BICD1: variants seen among roughly 807,000 people sequenced by gnomAD.
BICD1 encodes BICD cargo adaptor 1.
In BICD1, 35 loss-of-function variants were observed where a neutral mutation model predicts 92.5. The observed-to-expected ratio is 0.38, with a 90% CI of 0.29 to 0.50. The LOEUF is 0.50. Ranked by LOEUF, BICD1 falls within the 20% of genes least tolerant of loss-of-function variation. The pLI, the probability that BICD1 is intolerant of heterozygous loss-of-function variation, is 0.93. For synonymous variants in BICD1, 429 were observed against 465.1 expected (o/e 0.92, Z 1.00); for missense variants, 950 against 1,189.8 (o/e 0.80, Z 2.97).
At chr12:32,369,034 T>C (rs1939631005) in intron 9 of BICD1, among the ~76,000 whole-genome samples, 1 of 152,236 alleles carries the variant, frequency 6.6e-6, no homozygotes, top group Non-Finnish European at 1.5e-5. Context: ...AGAAAAACAT[T>C]GTAGTTAGCA....
chr12:32,243,146 G>A (rs1481018939), intron 2 of BICD1, among the ~76,000 whole-genome samples: 7 of 151,406 alleles, frequency 4.6e-5, no homozygotes, highest in African/African-American at 7.3e-5. Context: ...TGCCCAGGCC[G>A]GAGTGCAGTG....
intron 2 of BICD1, among the ~76,000 whole-genome samples, chr12:32,266,476 G>T (rs892638080): frequency 6.6e-6 from 1 of 152,128 alleles, no homozygotes; most frequent in Non-Finnish European, 1.5e-5. Context: ...CATGTGAGCT[G>T]CCACAACATC....
At chr12:32,364,524 C>T (rs1032258784) in intron 8 of BICD1, among the ~76,000 whole-genome samples, 8 of 152,316 alleles carry the variant, frequency 5.3e-5, no homozygotes, top group African/African-American at 1.9e-4. Context: ...TAGAAGACAA[C>T]TGAGTCAGAG....
chr12:32,367,692 C>T lies in BICD1; in HGVS notation c.2787C>T (p.Ser929=), dbSNP rs202246949. 9.9e-6 allele frequency: 16 copies of T among 1,614,088 alleles called. No individual in the cohort carries two copies. Among genetic ancestry groups the T allele is most frequent in the East Asian group, 4.5e-5 (2 of 44,892 alleles). The change falls in exon 9 of 10, where the codon TCC becomes TCT. Residue 929 remains serine, a synonymous_variant. Coordinates refer to ENST00000652176, the MANE Select transcript of BICD1 (RefSeq NM_001714.4). ...APPDCQQPAA[S]VPPQCSQLAG... Reference sequence around the variant, plus strand: ...TAGATTGTCAGCAGCCTGCTGCCTCCGTACCGCCACAGTGCTCACAACTAG... The same window carrying T: ...TAGATTGTCAGCAGCCTGCTGCCTCTGTACCGCCACAGTGCTCACAACTAG...
intron 2 of BICD1, among the ~76,000 whole-genome samples, chr12:32,223,113 T>C (rs1300029759): frequency 6.6e-6 from 1 of 152,252 alleles, no homozygotes; most frequent in African/African-American, 2.4e-5. Flanking sequence ...CTACTTCACC[T>C]TGCACTTTAT....
intron 4 of BICD1, among the ~76,000 whole-genome samples, chr12:32,320,449 C>A (rs1948621862): frequency 6.6e-6 from 1 of 152,108 alleles, no homozygotes; most frequent in Non-Finnish European, 1.5e-5. Context: ...CAAGACCAGC[C>A]TGGCCAACAT....
At chr12:32,212,457 C>T (rs546489866) in intron 1 of BICD1, among the ~76,000 whole-genome samples, 92 of 152,264 alleles carry the variant, frequency 6.0e-4, no homozygotes, top group African/African-American at 2.0e-3. Flanking sequence ...CAGAGTCTTG[C>T]TTTGTTGCCC....
chr12:32,235,801 A>G (rs1355676294), intron 2 of BICD1, among the ~76,000 whole-genome samples: 1 of 151,024 alleles, frequency 6.6e-6, no homozygotes, highest in Admixed American at 6.6e-5. Flanking sequence ...CCCAGGTTCA[A>G]GTGATTCTCC....
rs1458737170 is a variant in BICD1, at chr12:32,232,428, T to C, written c.426+15969T>C. ...TTCATGTCCTTCACCTACTTTTTGATGGGGTTGTTTGTTTTTTTCTTGTAA... is the reference window on the plus strand; with the variant it reads ...TTCATGTCCTTCACCTACTTTTTGACGGGGTTGTTTGTTTTTTTCTTGTAA... On this transcript the variant is annotated intron_variant, in intron 2 of 9. Coordinates refer to ENST00000652176, the MANE Select transcript of BICD1 (RefSeq NM_001714.4). 5.0e-3 allele frequency among the ~76,000 whole-genome samples: 760 copies of C among 150,834 alleles called. 4 individuals are homozygous for C. The highest frequency in any genetic ancestry group is 0.018 in the African/African-American group (706 of 40,184).
chr12:32,251,672 C>G (rs1158501815), intron 2 of BICD1, among the ~76,000 whole-genome samples: 1 of 152,144 alleles, frequency 6.6e-6, no homozygotes, highest in Admixed American at 6.6e-5. Context: ...ATGTGTCCAG[C>G]TCCCTGTGTT....
chr12:32,355,303 A>G (rs1251920882), intron 8 of BICD1, among the ~76,000 whole-genome samples: 1 of 152,250 alleles, frequency 6.6e-6, no homozygotes, highest in Non-Finnish European at 1.5e-5. Context: ...GAATTAATTA[A>G]ACAGTGACAT....
At position 32,180,543 on chromosome 12, in the gene BICD1, C is replaced by T. The variant is rs145650957; in HGVS notation, c.214-35704C>T. Among the ~76,000 whole-genome samples, 495 of 151,972 alleles carry T rather than the reference C, an allele frequency of 3.3e-3. 5 individuals are homozygous for T. In the Middle Eastern group the frequency reaches 0.048, roughly 15 times the overall value. On this transcript the variant is annotated intron_variant, in intron 1 of 9. Coordinates refer to ENST00000652176, the MANE Select transcript of BICD1 (RefSeq NM_001714.4). ...CATTGATTTCTTCAAAGGATTTCCT[C>T]GGCAAAGTTACCCTAGTCTTAACTG...
rs1460434922 is a variant in BICD1 at position 32,282,219 on chromosome 12, T to C, written c.427-11775T>C. Among the ~76,000 whole-genome samples, 66 of 127,350 alleles carry C rather than the reference T, an allele frequency of 5.2e-4. 4 individuals are homozygous for C. Among genetic ancestry groups the C allele is most frequent in the Non-Finnish European group, 5.0e-4 (31 of 61,578 alleles). 83.5% of individuals were successfully genotyped at this position (127,350 alleles called of 152,430 possible). ...GTCTTCTTCTTTTTTTTTTTTTTTTTTTTTTTTTTTTTTTTTTTTGACACA... is the reference window on the plus strand; with the variant it reads ...GTCTTCTTCTTTTTTTTTTTTTTTTCTTTTTTTTTTTTTTTTTTTGACACA... On this transcript the variant is annotated intron_variant, in intron 2 of 9. Coordinates refer to ENST00000652176, the MANE Select transcript of BICD1 (RefSeq NM_001714.4).
intron 2 of BICD1, among the ~76,000 whole-genome samples, chr12:32,275,710 C>G (rs560200657): frequency 1.3e-5 from 2 of 150,946 alleles, no homozygotes; most frequent in African/African-American, 5.0e-5. Flanking sequence ...GACTCCCATC[C>G]CTCCAGATCC....
intron 2 of BICD1, among the ~76,000 whole-genome samples, chr12:32,254,148 C>CTCTAG (rs1946654029): frequency 6.8e-6 from 1 of 146,796 alleles, no homozygotes; most frequent in African/African-American, 2.5e-5. Context: ...ATCCCACCTG[C>CTCTAG]CATAATCACT....
intron 1 of BICD1, among the ~76,000 whole-genome samples, chr12:32,158,199 G>A (rs534077292): frequency 5.9e-4 from 88 of 148,858 alleles, no homozygotes; most frequent in Middle Eastern, 3.5e-3. Flanking sequence ...TCCGCCTCCC[G>A]GGTTCAAGCG....
At chr12:32,226,097 A>G (rs907502850) in intron 2 of BICD1, among the ~76,000 whole-genome samples, 7 of 151,900 alleles carry the variant, frequency 4.6e-5, no homozygotes, top group Non-Finnish European at 1.5e-5. Context: ...CCCATTTTTA[A>G]TTGGGTGTTT....
chr12:32,220,627 C>T (rs958919640), intron 2 of BICD1, among the ~76,000 whole-genome samples: 8 of 149,346 alleles, frequency 5.4e-5, no homozygotes, highest in Non-Finnish European at 7.4e-5. Context: ...GAAATAGGAA[C>T]ACTTTTACAC....
chr12:32,208,616 G>A (rs1057313521), intron 1 of BICD1, among the ~76,000 whole-genome samples: 1 of 152,068 alleles, frequency 6.6e-6, no homozygotes, highest in African/African-American at 2.4e-5. Flanking sequence ...CATGGAAACT[G>A]GTTTCTCCTG....
Sources: allele counts gnomAD v4.1 joint callset (sites outside exome capture counted in the v4.1 genomes callset), GRCh38; gene constraint gnomAD v4.1.1; transcripts MANE v1.5; gene names NCBI Gene and HGNC (gene_info 2026-07-23, HGNC 2026-07-21).